BBX: variants seen among roughly 807,000 people sequenced by gnomAD.
The protein encoded by BBX is HMG box transcription factor BBX.
BBX carries 30 observed loss-of-function variants against 100.2 expected under a neutral mutation model. The ratio of observed to expected loss-of-function variants is 0.30; its 90% CI spans 0.22 to 0.41. BBX has a LOEUF of 0.41. Ranked by LOEUF, BBX falls within the 10% of genes least tolerant of loss-of-function variation. The pLI, the probability that BBX is intolerant of heterozygous loss-of-function variation, is 1.00. For synonymous variants in BBX, 376 were observed against 388.1 expected, an observed-to-expected ratio of 0.97 and a Z score of 0.37; for missense variants, 1,023 against 1,129.8, an observed-to-expected ratio of 0.91 and a Z score of 1.35.
At chr3:107,720,042 A>G (rs546854480) in intron 5 of BBX, among the ~76,000 whole-genome samples, 2 of 152,160 alleles carry the variant, frequency 1.3e-5, no homozygotes, top group South Asian at 4.1e-4. Flanking sequence ...GGCATGAGGC[A>G]GAATGTGTGC....
chr3:107,533,283 T>A (rs1404460178), intron 2 of BBX, among the ~76,000 whole-genome samples: 1 of 152,206 alleles, frequency 6.6e-6, no homozygotes, highest in East Asian at 1.9e-4. Flanking sequence ...CTTCCTTGGT[T>A]GGTAGAGTGA....
chr3:107,747,876 G>A (rs1216530206), intron 8 of BBX, 89 bp from the exon 9 acceptor site: 1 of 1,048,558 alleles, frequency 9.5e-7, no homozygotes, highest in Non-Finnish European at 1.4e-6. Context: ...ATCTTTATCA[G>A]TGTCTACAGT....
intron 9 of BBX, among the ~76,000 whole-genome samples, chr3:107,750,230 T>C (rs990199966): frequency 6.6e-6 from 1 of 152,200 alleles, no homozygotes. Context: ...CCCTCTGCTC[T>C]ACAGCACTCA....
At chr3:107,728,165 A>G (rs1399653786) in intron 5 of BBX, among the ~76,000 whole-genome samples, 1 of 152,198 alleles carries the variant, frequency 6.6e-6, no homozygotes, top group Non-Finnish European at 1.5e-5. Flanking sequence ...TCAGTTATGT[A>G]TGCTCATTAC....
At chr3:107,737,884 G>GTTTTTTTTTTTTTTT (rs1156396951) in intron 7 of BBX, among the ~76,000 whole-genome samples, 4 of 48,894 alleles carry the variant, frequency 8.2e-5, no homozygotes, top group Non-Finnish European at 1.0e-4. Context: ...CAGAGTTCCA[G>GTTTTTTTTTTTTTTT]TTTTTTTTTT....
At position 107,804,402 on chromosome 3, in the gene BBX, A is replaced by G. The variant is rs143513042; in HGVS notation, c.2739-968A>G. ...AGCACAGTGTTATGCACTACAGACC[A>G]TTGTAGGTTACAGAGCAGTGAGTGT... On this transcript the variant is annotated intron_variant, in intron 17 of 17. Transcript: ENST00000325805. Among the ~76,000 whole-genome samples the G allele has an allele frequency of 1.3e-4, 20 of 152,326 alleles. 1 individual carries two copies. The East Asian group carries it at 3.9e-3, about 29-fold the overall frequency.
chr3:107,545,085 C>G (rs550229279), intron 2 of BBX, among the ~76,000 whole-genome samples: 1 of 152,146 alleles, frequency 6.6e-6, no homozygotes, highest in Admixed American at 6.5e-5. Flanking sequence ...TTCTTTACCT[C>G]TGCGGTTTAT....
chr3:107,657,639 A>G (rs1430003332), intron 3 of BBX, among the ~76,000 whole-genome samples: 1 of 152,086 alleles, frequency 6.6e-6, no homozygotes, highest in Non-Finnish European at 1.5e-5. Context: ...GAGTGCTAAT[A>G]TTGCCATCAG....
chr3:107,677,872 G>A (rs1317893568), intron 3 of BBX, among the ~76,000 whole-genome samples: 3 of 151,952 alleles, frequency 2.0e-5, no homozygotes, highest in Non-Finnish European at 2.9e-5. Flanking sequence ...TATTGTTTAC[G>A]GAACTATAAG....
At chr3:107,730,128 A>G (rs550452712) in intron 6 of BBX, among the ~76,000 whole-genome samples, 101 of 152,224 alleles carry the variant, frequency 6.6e-4, no homozygotes, top group African/African-American at 2.4e-3. Flanking sequence ...TCTAGGGCGG[A>G]AAAAAGGATT....
intron 4 of BBX, among the ~76,000 whole-genome samples, chr3:107,711,734 C>T (rs1420907734): frequency 1.3e-5 from 2 of 152,126 alleles, no homozygotes; most frequent in African/African-American, 4.8e-5. Context: ...TATTATCAAG[C>T]TTGTACTTAA....
chr3:107,615,461 A>G (rs1260735861), intron 2 of BBX, among the ~76,000 whole-genome samples: 1 of 152,048 alleles, frequency 6.6e-6, no homozygotes, highest in Non-Finnish European at 1.5e-5. Context: ...ATTTTTTTTG[A>G]TGAGTCCTTA....
chr3:107,772,587 G>A, intron 10 of BBX, 41 bp from the exon 11 acceptor site: 2 of 1,518,832 alleles, frequency 1.3e-6, no homozygotes, highest in Non-Finnish European at 1.8e-6. Context: ...GAATAATAAG[G>A]ATACTTTCGG....
chr3:107,732,147 A>T (rs2063355926), intron 6 of BBX, among the ~76,000 whole-genome samples: 1 of 152,068 alleles, frequency 6.6e-6, no homozygotes, highest in Non-Finnish European at 1.5e-5. Context: ...CAAACTCCTG[A>T]CATTAAGAGA....
intron 2 of BBX, among the ~76,000 whole-genome samples, chr3:107,591,472 G>A (rs907429593): frequency 6.6e-6 from 1 of 152,006 alleles, no homozygotes; most frequent in Admixed American, 6.6e-5. Context: ...AAAGGAAAGG[G>A]GGAGATATTT....
At chr3:107,651,936 G>T (rs1447030837) in intron 3 of BBX, among the ~76,000 whole-genome samples, 1 of 152,150 alleles carries the variant, frequency 6.6e-6, no homozygotes, top group Non-Finnish European at 1.5e-5. Flanking sequence ...CTAGTAAGCA[G>T]AAAAGAGGGC....
At chr3:107,620,338 A>T (rs1195658618) in intron 2 of BBX, among the ~76,000 whole-genome samples, 2 of 152,244 alleles carry the variant, frequency 1.3e-5, no homozygotes, top group South Asian at 4.1e-4. Flanking sequence ...TGGCTGCTAT[A>T]AAATCTTTGT....
chr3:107,785,178 G>GA (rs2068283379), intron 13 of BBX, among the ~76,000 whole-genome samples: 1 of 147,574 alleles, frequency 6.8e-6, no homozygotes. Flanking sequence ...AGTATCTGGG[G>GA]GAAAAAAAAA....
intron 2 of BBX, among the ~76,000 whole-genome samples, chr3:107,590,371 A>G (rs2053217907): frequency 1.3e-5 from 2 of 152,210 alleles, no homozygotes; most frequent in Non-Finnish European, 2.9e-5. Flanking sequence ...TCAAACATGT[A>G]TCATTTTTGT....
Sources: gnomAD v4.1 joint callset for allele counts (sites outside exome capture counted in the v4.1 genomes callset) on GRCh38, gnomAD v4.1.1 for gene constraint, MANE v1.5 for transcripts, NCBI Gene and HGNC (gene_info 2026-07-23, HGNC 2026-07-21) for gene names.